PLD5: variants seen among roughly 807,000 people sequenced by gnomAD.
The protein encoded by PLD5 is phospholipase D family member 5, also known as inactive phospholipase D5.
A neutral mutation model predicts 61.1 loss-of-function variants in PLD5; 36 were observed. That is an observed-to-expected ratio of 0.59 (90% CI 0.45 to 0.78). The LOEUF (loss-of-function observed/expected upper bound fraction) is 0.78. Among genes scored for constraint, PLD5 ranks in the 30% least tolerant of loss-of-function variants. PLD5 has a pLI of 0.00. For synonymous variants in PLD5, 243 were observed against 242.8 expected, an observed-to-expected ratio of 1.00 and a Z score of -0.01; for missense variants, 515 against 644.4, an observed-to-expected ratio of 0.80 and a Z score of 2.17.
At chr1:242,139,255 T>C (rs1663980813) in intron 5 of PLD5, among the ~76,000 whole-genome samples, 1 of 151,560 alleles carries the variant, frequency 6.6e-6, no homozygotes, top group African/African-American at 2.4e-5. Context: ...TCAGTTAGGT[T>C]TTTTTTTTAA....
chr1:242,183,443 G>A (rs1267991806), intron 5 of PLD5, among the ~76,000 whole-genome samples: 2 of 152,118 alleles, frequency 1.3e-5, no homozygotes, highest in African/African-American at 2.4e-5. Flanking sequence ...CGGTCATGGT[G>A]CTTCCAAAAA....
intron 4 of PLD5, among the ~76,000 whole-genome samples, chr1:242,224,366 A>T (rs1670795227): frequency 6.6e-6 from 1 of 152,108 alleles, no homozygotes; most frequent in South Asian, 2.1e-4. Flanking sequence ...TTACAATGTC[A>T]CATATTTTTT....
intron 2 of PLD5, among the ~76,000 whole-genome samples, chr1:242,344,498 G>C (rs1186573686): frequency 6.6e-6 from 1 of 152,150 alleles, no homozygotes; most frequent in African/African-American, 2.4e-5. Context: ...TGAAGACGTG[G>C]GAGGAAAAGG....
chr1:242,525,204 T>G (rs1200513379), upstream of PLD5, among the ~76,000 whole-genome samples: 1 of 152,200 alleles, frequency 6.6e-6, no homozygotes, highest in Non-Finnish European at 1.5e-5. Flanking sequence ...ACACGCTACT[T>G]TCATCCGATG....
intron 1 of PLD5, among the ~76,000 whole-genome samples, chr1:242,389,269 T>C (rs1662780401): frequency 6.6e-6 from 1 of 152,176 alleles, no homozygotes; most frequent in Non-Finnish European, 1.5e-5. Context: ...TCTTAAATGC[T>C]AGCCCCCTGG....
At chr1:242,273,803 CTG>C (rs1427457598) in intron 3 of PLD5, among the ~76,000 whole-genome samples, 1 of 152,156 alleles carries the variant, frequency 6.6e-6, no homozygotes, top group Non-Finnish European at 1.5e-5. Context: ...GGAGAAGACA[CTG>C]TGAAGATGGA....
intron 5 of PLD5, among the ~76,000 whole-genome samples, chr1:242,131,450 C>A (rs1663241444): frequency 6.6e-6 from 1 of 152,040 alleles, no homozygotes; most frequent in South Asian, 2.1e-4. Context: ...CCTGTGTGGT[C>A]GATTGATAAC....
At chr1:242,173,973 G>A (rs1218778457) in intron 5 of PLD5, among the ~76,000 whole-genome samples, 12 of 151,876 alleles carry the variant, frequency 7.9e-5, no homozygotes, top group South Asian at 2.1e-4. Context: ...AATACCATTC[G>A]GGACATAGGC....
In PLD5 at chr1:242,204,841, A is replaced by C. The variant is rs143542346; in HGVS notation, c.735+15147T>G. Among the ~76,000 whole-genome samples, 405 of 152,324 alleles carry C rather than the reference A, an allele frequency of 2.7e-3. 7 individuals carry two copies. The highest frequency in any genetic ancestry group is 4.4e-3 in the Non-Finnish European group (296 of 68,026). On this transcript the variant is annotated intron_variant, in intron 5 of 9. Coordinates refer to ENST00000536534, the MANE Select transcript of PLD5 (RefSeq NM_001372062.1). The stretch of plus-strand genomic sequence containing the variant: ...ATCAATTTCGGTTCTATCTGACTGC[A>C]ACCACTATGTTATACTGCCAAACAA...
At chr1:242,172,368 A>T (rs1238631674) in intron 5 of PLD5, among the ~76,000 whole-genome samples, 1 of 152,246 alleles carries the variant, frequency 6.6e-6, no homozygotes, top group Admixed American at 6.5e-5. Flanking sequence ...TCTGGGACAC[A>T]CTGAAAGTGG....
intron 2 of PLD5, among the ~76,000 whole-genome samples, chr1:242,342,861 A>T (rs1558480866): frequency 6.6e-6 from 1 of 152,188 alleles, no homozygotes; most frequent in Non-Finnish European, 1.5e-5. Context: ...TATTTTGTAG[A>T]TTTGTGAGGG....
chr1:242,314,910 T>A (rs2494895), intron 2 of PLD5, among the ~76,000 whole-genome samples: 46,151 of 151,736 alleles, frequency 0.3, 8,169 homozygotes, highest in African/African-American at 0.48. Flanking sequence ...AGAATCATTT[T>A]AAAAATCTAA....
intron 1 of PLD5, among the ~76,000 whole-genome samples, chr1:242,421,617 C>T (rs923646409): frequency 1.3e-5 from 2 of 152,146 alleles, no homozygotes; most frequent in African/African-American, 4.8e-5. Flanking sequence ...CCCTGGAATC[C>T]TATATCAACG....
At chr1:242,213,921 A>T (rs1386578060) in intron 5 of PLD5, among the ~76,000 whole-genome samples, 1 of 151,308 alleles carries the variant, frequency 6.6e-6, no homozygotes, top group Non-Finnish European at 1.5e-5. Flanking sequence ...CCAGTTACTT[A>T]GTAAAGTCAT....
chr1:242,183,094 G>A (rs1417553309), intron 5 of PLD5, among the ~76,000 whole-genome samples: 3 of 152,146 alleles, frequency 2.0e-5, no homozygotes, highest in African/African-American at 7.2e-5. Flanking sequence ...TTATGTGTGT[G>A]TTTGGGTTAT....
At chr1:242,180,359 G>C (rs1667443655) in intron 5 of PLD5, among the ~76,000 whole-genome samples, 1 of 152,052 alleles carries the variant, frequency 6.6e-6, no homozygotes, top group South Asian at 2.1e-4. Flanking sequence ...TATTTCAATA[G>C]TTGTATATAT....
At chr1:242,223,463 C>T (rs573770998) in intron 4 of PLD5, among the ~76,000 whole-genome samples, 33 of 152,236 alleles carry the variant, frequency 2.2e-4, no homozygotes, top group Non-Finnish European at 1.3e-4. Context: ...AAGTGAAGGC[C>T]GGAGAGCAGG....
chr1:242,484,125 C>T (rs927537437), intron 1 of PLD5, among the ~76,000 whole-genome samples: 2 of 152,130 alleles, frequency 1.3e-5, no homozygotes, highest in African/African-American at 4.8e-5. Context: ...CCAAAATTGA[C>T]ACCCTAACAT....
At position 242,481,928 on chromosome 1, in the gene PLD5, T is replaced by G. The variant is rs1667792233; in HGVS notation, c.189+42160A>C. On this transcript the variant is annotated intron_variant, in intron 1 of 9. Transcript: ENST00000536534. ...GTATCCACTGTTCTGCAGCCTCCAC[T>G]GCTGATACTCAGGAAAACAGGGTCT... 2.6e-5 allele frequency among the ~76,000 whole-genome samples: 4 copies of G among 152,190 alleles called. No individual in the cohort carries two copies. In the South Asian group the frequency reaches 8.3e-4, roughly 32 times the overall value.
Sources: gnomAD v4.1 joint callset for allele counts (sites outside exome capture counted in the v4.1 genomes callset) on GRCh38, gnomAD v4.1.1 for gene constraint, MANE v1.5 for transcripts, NCBI Gene and HGNC (gene_info 2026-07-23, HGNC 2026-07-21) for gene names.